PCDH15: variants seen among roughly 807,000 people sequenced by gnomAD.
PCDH15 encodes protocadherin-15.
A neutral mutation model predicts 178.5 loss-of-function variants in PCDH15; 129 were observed. The observed-to-expected ratio is 0.72, with a 90% CI of 0.63 to 0.84. The LOEUF (loss-of-function observed/expected upper bound fraction) is 0.84, where lower values mean the gene tolerates loss of function less well. Ranked by LOEUF, PCDH15 falls within the 40% of genes least tolerant of loss-of-function variation. The pLI is 0.00. For synonymous variants in PCDH15, 800 were observed against 732.0 expected (o/e 1.09, Z -1.50); for missense variants, 2,230 against 2,099.9 (o/e 1.06, Z -1.21).
chr10:54,676,593 T>C (rs923922446), intron 1 of PCDH15, among the ~76,000 whole-genome samples: 44 of 152,160 alleles, frequency 2.9e-4, no homozygotes, highest in African/African-American at 1.0e-3. Flanking sequence ...TTTCTTCCAC[T>C]TTATTAACAC....
At chr10:55,247,109 G>C (rs1480138453) in intron 1 of PCDH15, among the ~76,000 whole-genome samples, 1 of 152,022 alleles carries the variant, frequency 6.6e-6, no homozygotes, top group Non-Finnish European at 1.5e-5. Flanking sequence ...TTTATCTTCT[G>C]TGTTTCATCA....
rs193160703 is a variant in PCDH15, at chr10:54,435,696, C to T, written c.158-56754G>A. Among the ~76,000 whole-genome samples the T allele has an allele frequency of 1.1e-3, 173 of 152,166 alleles. 1 individual carries two copies. The highest frequency in any genetic ancestry group is 1.7e-3 in the Non-Finnish European group (114 of 68,000). ...TTAGAAATAGGTTCAGCAGGACAGG[C>T]GCGGTGGCTCACGCCTGTAATTTCA... On this transcript the variant is annotated intron_variant, in intron 3 of 37. Coordinates refer to ENST00000644397, the MANE Select transcript of PCDH15 (RefSeq NM_001384140.1).
At chr10:54,433,975 C>T (rs2075200143) in intron 3 of PCDH15, among the ~76,000 whole-genome samples, 1 of 152,214 alleles carries the variant, frequency 6.6e-6, no homozygotes, top group African/African-American at 2.4e-5. Flanking sequence ...AAACACCTTT[C>T]ATTGGGACGA....
At chr10:54,562,553 C>T (rs537632364) in intron 2 of PCDH15, among the ~76,000 whole-genome samples, 18 of 152,164 alleles carry the variant, frequency 1.2e-4, no homozygotes, top group African/African-American at 3.9e-4. Context: ...ATGAAATTAA[C>T]TAGGAAAGTG....
At chr10:54,956,051 A>C (rs1384532288) in intron 2 of PCDH15, among the ~76,000 whole-genome samples, 2 of 151,340 alleles carry the variant, frequency 1.3e-5, no homozygotes, top group Non-Finnish European at 3.0e-5. Flanking sequence ...AGTTCAGAAA[A>C]TATTATGGAT....
intron 21 of PCDH15, among the ~76,000 whole-genome samples, chr10:53,994,330 A>T (rs895432580): frequency 5.9e-5 from 9 of 152,004 alleles, no homozygotes; most frequent in East Asian, 1.9e-4. Context: ...GCTGATGAAA[A>T]TTTTTTTTAA....
At chr10:55,171,989 G>A (rs1839347036) in intron 1 of PCDH15, among the ~76,000 whole-genome samples, 1 of 151,764 alleles carries the variant, frequency 6.6e-6, no homozygotes, top group Non-Finnish European at 1.5e-5. Flanking sequence ...GAAATATGTT[G>A]GATATTACAT....
intron 1 of PCDH15, among the ~76,000 whole-genome samples, chr10:55,182,198 T>C (rs911277028): frequency 2.6e-5 from 4 of 152,014 alleles, no homozygotes; most frequent in Non-Finnish European, 4.4e-5. Context: ...AACTGTGCCA[T>C]GTTATTTTCT....
intron 3 of PCDH15, among the ~76,000 whole-genome samples, chr10:54,472,971 A>T (rs557081149): frequency 4.6e-5 from 7 of 152,270 alleles, no homozygotes; most frequent in African/African-American, 1.7e-4. Flanking sequence ...TAGAGTAAAA[A>T]ATTGTTGATT....
intron 18 of PCDH15, 136 bp from the exon 19 acceptor site, chr10:54,023,333 A>G (rs750842488): frequency 1.2e-5 from 9 of 720,246 alleles, no homozygotes; most frequent in Non-Finnish European, 2.1e-5. Flanking sequence ...AATGACAATG[A>G]CAATACAATG....
At chr10:55,541,760 C>G (rs1841764488) in intron 2 of PCDH15, among the ~76,000 whole-genome samples, 1 of 151,716 alleles carries the variant, frequency 6.6e-6, no homozygotes. Flanking sequence ...TTCATTTATT[C>G]AGTTAATTAC....
chr10:54,169,544 T>C (rs2046643457), intron 13 of PCDH15, among the ~76,000 whole-genome samples: 1 of 147,566 alleles, frequency 6.8e-6, no homozygotes, highest in Non-Finnish European at 1.5e-5. Flanking sequence ...AATTATCTGC[T>C]TCCCTGACTA....
At chr10:54,031,185 C>T (rs533990351) in intron 18 of PCDH15, among the ~76,000 whole-genome samples, 2 of 152,116 alleles carry the variant, frequency 1.3e-5, no homozygotes, top group Middle Eastern at 3.4e-3. Flanking sequence ...TTACAATGTA[C>T]TACCCTGGTT....
intron 2 of PCDH15, among the ~76,000 whole-genome samples, chr10:55,049,379 C>T (rs11004704): frequency 0.075 from 11,429 of 151,526 alleles, 678 homozygotes; most frequent in African/African-American, 0.16. Flanking sequence ...ATTTCCTTCT[C>T]GGAAATGCAG....
chr10:53,831,168 C>T, intron 30 of PCDH15, 147 bp downstream of exon 30: 1 of 824,194 alleles, frequency 1.2e-6, no homozygotes, highest in Non-Finnish European at 2.1e-6. Context: ...TGAAGAAAAT[C>T]ATTTGGTACG....
intron 3 of PCDH15, among the ~76,000 whole-genome samples, chr10:54,885,776 A>G (rs1954347907): frequency 6.6e-6 from 1 of 152,030 alleles, no homozygotes; most frequent in African/African-American, 2.4e-5. Flanking sequence ...TATGAGAAAA[A>G]ACTCTGAGAA....
chr10:55,105,632 C>T (rs1842657260), intron 2 of PCDH15, among the ~76,000 whole-genome samples: 1 of 152,036 alleles, frequency 6.6e-6, no homozygotes, highest in Non-Finnish European at 1.5e-5. Flanking sequence ...ATTCATCTGG[C>T]TGTTTTGGAA....
At chr10:53,904,615 T>C (rs1042448319) in intron 25 of PCDH15, among the ~76,000 whole-genome samples, 1 of 152,150 alleles carries the variant, frequency 6.6e-6, no homozygotes, top group Non-Finnish European at 1.5e-5. Flanking sequence ...AGGAAAATCA[T>C]GCTAGCGCAA....
At chr10:55,233,104 C>T (rs1422852963) in intron 1 of PCDH15, among the ~76,000 whole-genome samples, 1 of 151,922 alleles carries the variant, frequency 6.6e-6, no homozygotes, top group Non-Finnish European at 1.5e-5. Context: ...TGATGTTATA[C>T]TTCTGTATAT....
Sources: gnomAD v4.1 joint callset for allele counts (sites outside exome capture counted in the v4.1 genomes callset) on GRCh38, gnomAD v4.1.1 for gene constraint, MANE v1.5 for transcripts, NCBI Gene and HGNC (gene_info 2026-07-23, HGNC 2026-07-21) for gene names.